The following TRDN variants were observed in gnomAD, a reference collection of about 807,000 sequenced individuals.
TRDN encodes triadin.
A neutral mutation model predicts 149.7 loss-of-function variants in TRDN; 161 were observed. That is an observed-to-expected ratio of 1.08 (90% CI 0.95 to 1.23). The LOEUF (loss-of-function observed/expected upper bound fraction) is 1.23, where lower values mean the gene tolerates loss of function less well. Ranked by LOEUF, TRDN falls within the 50% of genes most tolerant of loss-of-function variation. The probability of loss-of-function intolerance (pLI) is 0.00; values close to 1 mark genes in which losing one functional copy is unlikely to be tolerated. For synonymous variants in TRDN, 294 were observed against 250.5 expected (o/e 1.17, Z -1.64); for missense variants, 896 against 823.5 (o/e 1.09, Z -1.08).
At position 123,487,724 on chromosome 6, in the gene TRDN, C is replaced by T. The variant is rs145555541; in HGVS notation, c.853+9469G>A. Among the ~76,000 whole-genome samples, 560 of 152,154 alleles carry T rather than the reference C, an allele frequency of 3.7e-3. 3 individuals are homozygous for T. Among genetic ancestry groups the T allele is most frequent in the African/African-American group, 0.013 (533 of 41,532 alleles). On this transcript the variant is annotated intron_variant, in intron 9 of 40. Transcript: ENST00000334268. ...TTTATCCTCTTTTCAGTCTGATATC[C>T]TCATTGTCTTATAAACACATCAATT...
rs184661169 is a variant in TRDN at position 123,435,279 on chromosome 6, C to G, written c.1051+2784G>C. ...AGATCATATGCTCTGCCATGTTCCTCTACTTTAGGAAGAAATGACCTTTGT... is the reference window on the plus strand; with the variant it reads ...AGATCATATGCTCTGCCATGTTCCTGTACTTTAGGAAGAAATGACCTTTGT... On this transcript the variant is annotated intron_variant, in intron 12 of 40. Transcript: ENST00000334268. Among the ~76,000 whole-genome samples the G allele has an allele frequency of 3.3e-5, 5 of 152,044 alleles. No homozygotes were observed. The East Asian group carries it at 9.7e-4, about 29-fold the overall frequency.
intron 38 of TRDN, among the ~76,000 whole-genome samples, chr6:123,228,165 G>C (rs1054245217): frequency 6.6e-6 from 1 of 151,918 alleles, no homozygotes; most frequent in Non-Finnish European, 1.5e-5. Context: ...CAGAATATCT[G>C]TGAGGAATAT....
At chr6:123,409,374 A>G (rs1442958442) in intron 12 of TRDN, among the ~76,000 whole-genome samples, 1 of 152,186 alleles carries the variant, frequency 6.6e-6, no homozygotes, top group Non-Finnish European at 1.5e-5. Context: ...GAACATAAAT[A>G]TTGCAGTCAG....
At chr6:123,549,436 T>G (rs1350568870) in intron 2 of TRDN, among the ~76,000 whole-genome samples, 10 of 152,086 alleles carry the variant, frequency 6.6e-5, no homozygotes, top group Admixed American at 6.6e-4. Flanking sequence ...AAATTGCATC[T>G]GATTTTTTAT....
chr6:123,432,342 T>C (rs1774369224), intron 12 of TRDN, among the ~76,000 whole-genome samples: 1 of 152,076 alleles, frequency 6.6e-6, no homozygotes, highest in Non-Finnish European at 1.5e-5. Context: ...TACAAATGCA[T>C]GCCTCTCTTT....
At chr6:123,253,852 G>T (rs1265347109) in intron 37 of TRDN, among the ~76,000 whole-genome samples, 1 of 151,998 alleles carries the variant, frequency 6.6e-6, no homozygotes, top group Non-Finnish European at 1.5e-5. Context: ...GGGCAAATTG[G>T]GATATACTCT....
At chr6:123,535,623 C>T (rs773560578) in intron 4 of TRDN, among the ~76,000 whole-genome samples, 33 of 152,108 alleles carry the variant, frequency 2.2e-4, no homozygotes, top group Admixed American at 1.3e-3. Context: ...GTTTATCATT[C>T]AATGGCGATA....
intron 38 of TRDN, among the ~76,000 whole-genome samples, chr6:123,236,231 G>A (rs188712960): frequency 6.6e-6 from 1 of 152,198 alleles, no homozygotes; most frequent in East Asian, 1.9e-4. Context: ...TTATATAATG[G>A]TGGCTTAGCT....
At chr6:123,452,428 T>C (rs7753756) in intron 10 of TRDN, among the ~76,000 whole-genome samples, 22,925 of 151,922 alleles carry the variant, frequency 0.15, 2,238 homozygotes, top group African/African-American at 0.28. Flanking sequence ...TGTACACATA[T>C]CAGCAGTTCT....
intron 24 of TRDN, among the ~76,000 whole-genome samples, chr6:123,312,381 G>T (rs1360372756): frequency 6.6e-6 from 1 of 151,866 alleles, no homozygotes; most frequent in Non-Finnish European, 1.5e-5. Flanking sequence ...TGAAGACGTA[G>T]ATGAAGACCT....
intron 38 of TRDN, among the ~76,000 whole-genome samples, chr6:123,241,182 A>T (rs181382259): frequency 4.4e-4 from 66 of 151,500 alleles, no homozygotes; most frequent in Admixed American, 3.2e-3. Context: ...AGTTTTCTGA[A>T]ATTACTGAAA....
intron 19 of TRDN, among the ~76,000 whole-genome samples, chr6:123,370,871 T>C (rs1422775650): frequency 6.6e-6 from 1 of 151,654 alleles, no homozygotes; most frequent in Admixed American, 6.6e-5. Flanking sequence ...TTATATCTAG[T>C]GCCCATTTTT....
chr6:123,289,007 A>G (rs1164059517), intron 24 of TRDN, among the ~76,000 whole-genome samples: 5 of 141,088 alleles, frequency 3.5e-5, no homozygotes, highest in Non-Finnish European at 7.6e-5. Flanking sequence ...TGGATTTAAA[A>G]ATGTGGGGGG....
intron 8 of TRDN, chr6:123,503,367 C>T (rs1778779746): frequency 1.0e-6 from 1 of 985,306 alleles, no homozygotes; most frequent in East Asian, 1.1e-4. Flanking sequence ...GGACCACTTT[C>T]CTCCAAAGAG....
intron 21 of TRDN, 190 bp downstream of exon 21, chr6:123,352,349 T>G: frequency 1.0e-6 from 1 of 985,134 alleles, no homozygotes; most frequent in Non-Finnish European, 1.2e-6. Context: ...AAAGTTCAGT[T>G]ACACAAAAGA....
chr6:123,471,232 T>C (rs1156462745), intron 9 of TRDN: 1 of 152,222 alleles, frequency 6.6e-6, no homozygotes, highest in African/African-American at 2.4e-5. Flanking sequence ...TGATGACTTT[T>C]ATAATTTGAC....
At chr6:123,302,073 A>T (rs1778450110) in intron 24 of TRDN, among the ~76,000 whole-genome samples, 1 of 150,906 alleles carries the variant, frequency 6.6e-6, no homozygotes, top group African/African-American at 2.4e-5. Flanking sequence ...ATAATTCTAC[A>T]TATTATATTT....
At chr6:123,486,343 T>G (rs1188051321) in intron 9 of TRDN, among the ~76,000 whole-genome samples, 1 of 151,884 alleles carries the variant, frequency 6.6e-6, no homozygotes, top group African/African-American at 2.4e-5. Flanking sequence ...GAATATCTCC[T>G]CTGTGTAAAG....
chr6:123,510,519 C>A (rs778113156), intron 7 of TRDN, among the ~76,000 whole-genome samples: 1 of 151,696 alleles, frequency 6.6e-6, no homozygotes, highest in East Asian at 1.9e-4. Flanking sequence ...CTTTGTTATT[C>A]AATATGCCAA....
Sources: allele counts gnomAD v4.1 joint callset (sites outside exome capture counted in the v4.1 genomes callset), GRCh38; gene constraint gnomAD v4.1.1; transcripts MANE v1.5; gene names NCBI Gene and HGNC (gene_info 2026-07-23, HGNC 2026-07-21).